DIP2A: variants seen among roughly 807,000 people sequenced by gnomAD.
DIP2A encodes disco-interacting protein 2 homolog A.
A neutral mutation model predicts 177.4 loss-of-function variants in DIP2A; 85 were observed. That is an observed-to-expected ratio of 0.48 (90% CI 0.40 to 0.57). DIP2A has a LOEUF of 0.57. Among genes scored for constraint, DIP2A ranks in the 20% least tolerant of loss-of-function variants. DIP2A has a pLI of 0.00. For missense variants in DIP2A, 1,791 were observed against 2,100.2 expected (o/e 0.85, Z 2.88); for synonymous variants, 886 against 881.8 (o/e 1.00, Z -0.08).
At chr21:46,534,829 G>A in intron 13 of DIP2A, 142 bp downstream of exon 13, 3 of 685,064 alleles carry the variant, frequency 4.4e-6, no homozygotes, top group Admixed American at 5.3e-5. Flanking sequence ...ATGCCAGGTA[G>A]GGAGATGCAC....
At chr21:46,523,152 T>A (rs1480182482) in intron 8 of DIP2A, among the ~76,000 whole-genome samples, 3 of 152,132 alleles carry the variant, frequency 2.0e-5, no homozygotes, top group Non-Finnish European at 4.4e-5. Flanking sequence ...CTCAAACTCC[T>A]GACCTCAGGT....
chr21:46,557,692 G>A lies in DIP2A; in HGVS notation c.3737G>A (p.Cys1246Tyr). Residue 1246 changes from cysteine to tyrosine, a missense_variant, in exon 31 of 38, where the codon TGC becomes TAC. Physicochemically the swap from Cys to Tyr is radical, Grantham distance 194 (BLOSUM62 -2). Transcript: ENST00000417564. This position sits in a 1 kb window ranked among gnomAD's most constrained non-coding sequence, Gnocchi z 6.0. ...VSQYKARVTFCSYSVMEMCTK... is the reference protein window; with the variant it reads ...VSQYKARVTFYSYSVMEMCTK... ...CAGTACAAGGCCCGCGTCACCTTCT[G>A]CTCCTACTCTGTGATGGAGATGTGC... The A allele has an allele frequency of 6.2e-7, 1 of 1,613,664 alleles. No individual in the cohort carries two copies. Among genetic ancestry groups the A allele is most frequent in the East Asian group, 2.2e-5 (1 of 44,870 alleles).
At chr21:46,505,038 A>T (rs1025284040) in intron 6 of DIP2A, among the ~76,000 whole-genome samples, 1 of 152,200 alleles carries the variant, frequency 6.6e-6, no homozygotes, top group African/African-American at 2.4e-5. Context: ...TATCAAAATC[A>T]TGTCAATTTT....
rs953188430 is a variant in DIP2A, at chr21:46,563,226, C to G, written c.4090-632C>G. On this transcript the variant is annotated intron_variant, in intron 34 of 37. Coordinates refer to ENST00000417564, the MANE Select transcript of DIP2A (RefSeq NM_015151.4). The surrounding 1 kb of genome is among the most constrained non-coding windows in gnomAD (Gnocchi z 4.3). ...GTGGCCCGTCGTCCCCTCCTCTTGC[C>G]TGCCCTGAGCCTGCAGTGTCATTGC... 6.6e-6 allele frequency among the ~76,000 whole-genome samples: 1 copy of G among 152,288 alleles called. No homozygotes were observed. Among genetic ancestry groups the G allele is most frequent in the Non-Finnish European group, 1.5e-5 (1 of 68,020 alleles).
intron 8 of DIP2A, among the ~76,000 whole-genome samples, chr21:46,513,005 A>G (rs912493891): frequency 4.6e-5 from 7 of 152,104 alleles, no homozygotes; most frequent in African/African-American, 1.7e-4. Flanking sequence ...CCTGAGATGC[A>G]TGTTTTGCAA....
intron 20 of DIP2A, 54 bp from the exon 21 acceptor site, chr21:46,546,861 G>A (rs946676990): frequency 3.3e-5 from 53 of 1,599,048 alleles, no homozygotes; most frequent in Admixed American, 2.0e-4. Flanking sequence ...TGGTCCTGGC[G>A]CATCCAGCTT....
chr21:46,566,678 T>C lies in DIP2A; in HGVS notation c.4458T>C (p.Ala1486=). Residue 1486 remains alanine, a synonymous_variant, in exon 37 of 38, where the codon GCT becomes GCC. Transcript: ENST00000417564. ...TSVIRAHRSI[A]ECAVFTWTNL... is the part of the protein sequence containing the mutation. ...TCATCCGAGCACACAGGAGCATCGC[T>C]GAGTGGTAAGAGCCCAGGTGGAGGG... 6.2e-7 allele frequency: 1 copy of C among 1,614,144 alleles called. No individual in the cohort carries two copies. Among genetic ancestry groups the C allele is most frequent in the Non-Finnish European group, 8.5e-7 (1 of 1,179,988 alleles).
chr21:46,565,164 C>T (rs139649937), intron 35 of DIP2A, among the ~76,000 whole-genome samples: 2 of 152,212 alleles, frequency 1.3e-5, no homozygotes, highest in East Asian at 1.9e-4. Flanking sequence ...AAAATGCTTA[C>T]GTGTGTAGAT....
intron 8 of DIP2A, among the ~76,000 whole-genome samples, chr21:46,514,108 T>C (rs1254538604): frequency 1.3e-5 from 2 of 152,124 alleles, no homozygotes; most frequent in South Asian, 2.1e-4. Context: ...TGCTTATATA[T>C]AGAATTGCAA....
intron 6 of DIP2A, among the ~76,000 whole-genome samples, chr21:46,504,865 C>G (rs922624783): frequency 6.6e-6 from 1 of 152,148 alleles, no homozygotes; most frequent in Admixed American, 6.5e-5. Context: ...TGCACACACC[C>G]ACCTATGACA....
intron 1 of DIP2A, among the ~76,000 whole-genome samples, chr21:46,470,190 A>G (rs1231851084): frequency 2.0e-5 from 3 of 151,848 alleles, no homozygotes; most frequent in Non-Finnish European, 2.9e-5. Flanking sequence ...AATACAAAAA[A>G]TGGGCTGGGC....
In DIP2A at chr21:46,515,514, G is replaced by A. The variant is rs150870200; in HGVS notation, c.1102+3900G>A. 7.8e-3 allele frequency among the ~76,000 whole-genome samples: 1,176 copies of A among 151,146 alleles called. 14 individuals are homozygous for A. Among genetic ancestry groups the A allele is most frequent in the African/African-American group, 0.027 (1,116 of 41,112 alleles). ...TTAAGTCTGCATTTATTTACAAAGT[G>A]TAAGATATTACTACCATTGTGTGTA... On this transcript the variant is annotated intron_variant, in intron 8 of 37. Transcript: ENST00000417564.
At chr21:46,524,545 G>A (rs2058978791) in intron 8 of DIP2A, among the ~76,000 whole-genome samples, 1 of 152,170 alleles carries the variant, frequency 6.6e-6, no homozygotes, top group Non-Finnish European at 1.5e-5. Flanking sequence ...TTCCCAGAAA[G>A]GGATCCTATT....
At chr21:46,509,749 G>A (rs1226384215) in intron 7 of DIP2A, among the ~76,000 whole-genome samples, 3 of 152,114 alleles carry the variant, frequency 2.0e-5, no homozygotes, top group Non-Finnish European at 4.4e-5. Flanking sequence ...CCTCTCATAT[G>A]TGAATGAAAT....
intron 10 of DIP2A, among the ~76,000 whole-genome samples, chr21:46,533,245 T>G (rs1285796799): frequency 6.6e-6 from 1 of 152,216 alleles, no homozygotes; most frequent in African/African-American, 2.4e-5. Flanking sequence ...CTAAATGTCA[T>G]TTGTAAGAAT....
intron 8 of DIP2A, among the ~76,000 whole-genome samples, chr21:46,521,809 TC>T (rs1246679156): frequency 6.6e-6 from 1 of 152,230 alleles, no homozygotes; most frequent in Non-Finnish European, 1.5e-5. Context: ...TCACAAACCT[TC>T]CACAACTTGC....
rs1283805802 is a variant in DIP2A at position 46,514,631 on chromosome 21, T to G, written c.1102+3017T>G. On this transcript the variant is annotated intron_variant, in intron 8 of 37. Coordinates refer to ENST00000417564, the MANE Select transcript of DIP2A (RefSeq NM_015151.4). Reference sequence around the variant, plus strand: ...AAACTTTTATTCTTTTTTTTTTTTTTTTTTTTTTTGGTTTTTTTTTTTTTG... The same window carrying G: ...AAACTTTTATTCTTTTTTTTTTTTTGTTTTTTTTTGGTTTTTTTTTTTTTG... Among the ~76,000 whole-genome samples the G allele has an allele frequency of 1.3e-4, 18 of 140,534 alleles. No individual in the cohort carries two copies. In the East Asian group the frequency reaches 2.7e-3, roughly 21 times the overall value. The allele number at this position is 140,534 out of a possible 152,430, so 92.2% of individuals were successfully genotyped here.
In DIP2A at chr21:46,550,665, G is replaced by A. The variant is rs764680973; in HGVS notation, c.2760G>A (p.Gly920=). The A allele has an allele frequency of 1.4e-5, 22 of 1,614,008 alleles. No individual in the cohort carries two copies. Among genetic ancestry groups the A allele is most frequent in the Non-Finnish European group, 1.7e-5 (20 of 1,179,888 alleles). ...AAACCAAACAGCGCTTTCTGGAAGG[G>A]ACGCTGCACCCGTGTAATGTGCTGA... ...ISETKQRFLE[G]TLHPCNVLMC... The change falls in exon 23 of 38, where the codon GGG becomes GGA. Residue 920 remains glycine, a synonymous_variant. Transcript: ENST00000417564.
intron 8 of DIP2A, among the ~76,000 whole-genome samples, chr21:46,526,064 A>C (rs2059073628): frequency 2.6e-5 from 4 of 151,606 alleles, no homozygotes; most frequent in Non-Finnish European, 4.4e-5. Context: ...GCCTGCCACC[A>C]CACCCGGCTA....
Sources: gnomAD v4.1 joint callset for allele counts (sites outside exome capture counted in the v4.1 genomes callset) on GRCh38, gnomAD v4.1.1 for gene constraint, Gnocchi (gnomAD v3.1) non-coding constraint, MANE v1.5 for transcripts, NCBI Gene and HGNC (gene_info 2026-07-23, HGNC 2026-07-21) for gene names.